The following ARHGAP44 variants were observed in gnomAD, a reference collection of about 807,000 sequenced individuals.
ARHGAP44 encodes the protein rho GTPase-activating protein 44.
ARHGAP44 carries 43 observed loss-of-function variants against 106.8 expected under a neutral mutation model. The ratio of observed to expected loss-of-function variants is 0.40; its 90% confidence interval spans 0.32 to 0.52. The LOEUF is 0.52. Among genes scored for constraint, ARHGAP44 ranks in the 20% least tolerant of loss-of-function variants. The pLI is 0.48. For missense variants in ARHGAP44, 866 were observed against 1,050.5 expected (o/e 0.82, Z 2.43); for synonymous variants, 439 against 410.3 (o/e 1.07, Z -0.85).
Position 12,944,207 on chromosome 17 carries a change from G to A in ARHGAP44, c.861+11G>A. On this transcript the variant is annotated intron_variant, in intron 10 of 20. Transcript: ENST00000379672. ...GGGATGCAGGAGGAGGTAGGTCTGA[G>A]CACAGCCACACGCCGCCCCGGGCAG... The A allele has an allele frequency of 6.3e-7, 1 of 1,596,296 alleles. No individual in the cohort carries two copies. The highest frequency in any genetic ancestry group is 8.5e-7 in the Non-Finnish European group (1 of 1,169,922).
At chr17:12,829,947 G>C (rs570024620) in intron 1 of ARHGAP44, among the ~76,000 whole-genome samples, 11 of 152,174 alleles carry the variant, frequency 7.2e-5, no homozygotes, top group Admixed American at 2.0e-4. Context: ...GATGTATCTT[G>C]GTACCTACAA....
At chr17:12,944,652 A>T (rs1598096065) in intron 10 of ARHGAP44, among the ~76,000 whole-genome samples, 1 of 137,458 alleles carries the variant, frequency 7.3e-6, no homozygotes, top group African/African-American at 2.7e-5. Context: ...CGCCCAGCTA[A>T]TTTTTTTTTT....
At chr17:12,916,089 G>A (rs1283179330) in intron 5 of ARHGAP44, 78 bp downstream of exon 5, 2 of 1,165,778 alleles carry the variant, frequency 1.7e-6, no homozygotes, top group East Asian at 2.4e-5. Context: ...TCTGTTTCCA[G>A]CATTCTACTT....
At chr17:12,945,965 G>A (rs1365351415) in intron 10 of ARHGAP44, among the ~76,000 whole-genome samples, 4 of 151,950 alleles carry the variant, frequency 2.6e-5, no homozygotes, top group Non-Finnish European at 5.9e-5. Context: ...CAGCATGCTG[G>A]CCAGGCTGGT....
chr17:12,959,331 C>T (rs1222982221), intron 16 of ARHGAP44, among the ~76,000 whole-genome samples: 1 of 152,172 alleles, frequency 6.6e-6, no homozygotes, highest in East Asian at 1.9e-4. Flanking sequence ...TACAGTTTAA[C>T]GTTCCCAGTT....
intron 16 of ARHGAP44, among the ~76,000 whole-genome samples, chr17:12,962,772 G>A (rs774838571): frequency 1.7e-4 from 26 of 152,148 alleles, no homozygotes; most frequent in Non-Finnish European, 2.2e-4. Flanking sequence ...TGGGTCAGGC[G>A]CGGTGGCTCA....
At chr17:12,901,491 A>G (rs146845658) in intron 3 of ARHGAP44, among the ~76,000 whole-genome samples, 2 of 152,122 alleles carry the variant, frequency 1.3e-5, no homozygotes, top group Non-Finnish European at 2.9e-5. Flanking sequence ...CAGAGATGGG[A>G]ACAATTTCAG....
At chr17:12,944,357 A>G (rs1410734692) in intron 10 of ARHGAP44, among the ~76,000 whole-genome samples, 161 bp downstream of exon 10, 1 of 152,054 alleles carries the variant, frequency 6.6e-6, no homozygotes, top group Non-Finnish European at 1.5e-5. Flanking sequence ...ACACAAATTG[A>G]TCCTGCCTTT....
intron 1 of ARHGAP44, among the ~76,000 whole-genome samples, chr17:12,794,956 A>G (rs2033874936): frequency 6.6e-6 from 1 of 152,180 alleles, no homozygotes; most frequent in Non-Finnish European, 1.5e-5. Context: ...CCTGCCTTGT[A>G]GTAGGCCTTC....
intron 19 of ARHGAP44, among the ~76,000 whole-genome samples, chr17:12,983,222 G>A (rs774940260): frequency 3.7e-5 from 5 of 135,644 alleles, no homozygotes; most frequent in Admixed American, 8.5e-5. Flanking sequence ...CCGAGATCGC[G>A]CCACTGCACT....
intron 1 of ARHGAP44, among the ~76,000 whole-genome samples, chr17:12,889,924 A>G (rs959164414): frequency 3.3e-5 from 5 of 152,236 alleles, no homozygotes; most frequent in Non-Finnish European, 5.9e-5. Context: ...CAATAGGGAA[A>G]ATGTTAAATC....
chr17:12,841,321 A>G (rs2035383398), intron 1 of ARHGAP44, among the ~76,000 whole-genome samples: 2 of 152,050 alleles, frequency 1.3e-5, no homozygotes, highest in Admixed American at 6.6e-5. Flanking sequence ...TGGAGGGGCC[A>G]GGCATGGTGG....
intron 1 of ARHGAP44, among the ~76,000 whole-genome samples, chr17:12,877,668 T>C (rs1190219082): frequency 6.6e-6 from 1 of 151,768 alleles, no homozygotes; most frequent in South Asian, 2.1e-4. Flanking sequence ...GAGAATGGCA[T>C]GAACCCGGGA....
intron 1 of ARHGAP44, among the ~76,000 whole-genome samples, chr17:12,818,435 G>A (rs927828166): frequency 2.6e-5 from 4 of 151,444 alleles, no homozygotes; most frequent in Non-Finnish European, 3.0e-5. Flanking sequence ...AGGGATGTTC[G>A]CTTTCATTTC....
chr17:12,981,564 A>G (rs2039831281), intron 19 of ARHGAP44, among the ~76,000 whole-genome samples: 1 of 151,794 alleles, frequency 6.6e-6, no homozygotes, highest in Admixed American at 6.5e-5. Context: ...CACCTGGCTA[A>G]TTTTTGTATT....
chr17:12,887,727 T>G (rs781325722), intron 1 of ARHGAP44, among the ~76,000 whole-genome samples: 36 of 152,160 alleles, frequency 2.4e-4, no homozygotes, highest in Non-Finnish European at 4.1e-4. Context: ...TTTTAAAACA[T>G]TTGGTAGAAT....
At chr17:12,816,462 A>G (rs2034600167) in intron 1 of ARHGAP44, among the ~76,000 whole-genome samples, 1 of 151,932 alleles carries the variant, frequency 6.6e-6, no homozygotes, top group African/African-American at 2.4e-5. Flanking sequence ...CTTAAATATG[A>G]TAAAAAGGAT....
intron 1 of ARHGAP44, among the ~76,000 whole-genome samples, chr17:12,810,051 CAG>C (rs1245695039): frequency 6.6e-6 from 1 of 151,954 alleles, no homozygotes; most frequent in African/African-American, 2.4e-5. Flanking sequence ...CAGTGCTGAG[CAG>C]AGAGGAGGGC....
intron 5 of ARHGAP44, among the ~76,000 whole-genome samples, chr17:12,918,213 C>T (rs1055890041): frequency 2.1e-4 from 32 of 152,342 alleles, no homozygotes; most frequent in Admixed American, 1.5e-3. Context: ...TCCAGCTTAG[C>T]TTCGGAGCTG....
Sources: gnomAD v4.1 joint callset for allele counts (sites outside exome capture counted in the v4.1 genomes callset) on GRCh38, gnomAD v4.1.1 for gene constraint, MANE v1.5 for transcripts, NCBI Gene and HGNC (gene_info 2026-07-23, HGNC 2026-07-21) for gene names.